The following TAMM41 variants were observed in gnomAD, a reference collection of about 807,000 sequenced individuals.
TAMM41 encodes TAM41 mitochondrial translocator assembly and maintenance homolog, also known as phosphatidate cytidylyltransferase, mitochondrial.
TAMM41 carries 36 observed loss-of-function variants against 44.1 expected under a neutral mutation model. That is an observed-to-expected ratio of 0.82 (90% CI 0.63 to 1.08). TAMM41 has a LOEUF of 1.08. Ranked by LOEUF, TAMM41 falls within the 50% of genes least tolerant of loss-of-function variation. The pLI is 0.00. For synonymous variants in TAMM41, 164 were observed against 153.1 expected (o/e 1.07, Z -0.53); for missense variants, 417 against 404.3 (o/e 1.03, Z -0.27).
the TAMM41 span, among the ~76,000 whole-genome samples, chr3:11,782,240 T>G: frequency 6.6e-6 from 1 of 152,170 alleles, no homozygotes; most frequent in African/African-American, 2.4e-5. Flanking sequence ...TTTTCTTGGT[T>G]GTAAAATTTT....
At chr3:11,754,363 T>C in the TAMM41 span, among the ~76,000 whole-genome samples, 2 of 152,120 alleles carry the variant, frequency 1.3e-5, no homozygotes, top group Admixed American at 6.6e-5. Context: ...CCAATTCTTT[T>C]TAAAAATTTT....
the TAMM41 span, among the ~76,000 whole-genome samples, chr3:11,760,416 T>C: frequency 0.31 from 47,505 of 152,146 alleles, 8,001 homozygotes; most frequent in South Asian, 0.43. Flanking sequence ...TTATTTTTCA[T>C]TTTTAGCATT....
chr3:11,810,210 T>G (rs2078045743), intron 5 of TAMM41, among the ~76,000 whole-genome samples: 1 of 152,174 alleles, frequency 6.6e-6, no homozygotes, highest in African/African-American at 2.4e-5. Context: ...GAAACTAATC[T>G]TACTTACTTT....
At chr3:11,745,507 G>A in the TAMM41 span, among the ~76,000 whole-genome samples, 10 of 152,216 alleles carry the variant, frequency 6.6e-5, no homozygotes, top group East Asian at 5.8e-4. Flanking sequence ...AAAAGGAAGC[G>A]AATTCTGACA....
At chr3:11,724,004 G>T in the TAMM41 span, among the ~76,000 whole-genome samples, 4 of 151,798 alleles carry the variant, frequency 2.6e-5, no homozygotes. Context: ...TGGGGGATGG[G>T]GGGGGGTGAC....
At position 11,839,276 on chromosome 3, in the gene TAMM41, A is replaced by C. The variant is rs1489488142; in HGVS notation, c.357T>G (p.Ile119Met). Residue 119 changes from isoleucine (I) to methionine (M), a missense_variant, in exon 3 of 8, where the codon ATT becomes ATG. Ile to Met is a conservative substitution (Grantham distance 10, BLOSUM62 1). Coordinates refer to ENST00000455809, the MANE Select transcript of TAMM41 (RefSeq NM_001284401.2). ...AGTTATTCCAGTTGAGGAGATCTTCAATCAGAACGTTAGTGCTAATAACTC... is the reference window on the plus strand; with the variant it reads ...AGTTATTCCAGTTGAGGAGATCTTCCATCAGAACGTTAGTGCTAATAACTC... ...KYGVISTNVL[I>M]EDLLNWNNLY... is the part of the protein sequence containing the mutation. 1.2e-6 allele frequency: 2 copies of C among 1,613,754 alleles called. No homozygotes were observed. Among genetic ancestry groups the C allele is most frequent in the Non-Finnish European group, 1.7e-6 (2 of 1,179,780 alleles).
the TAMM41 span, among the ~76,000 whole-genome samples, chr3:11,765,577 A>G: frequency 6.6e-6 from 1 of 152,238 alleles, no homozygotes; most frequent in African/African-American, 2.4e-5. Flanking sequence ...GTCTGTACAT[A>G]TAACACACAC....
intron 6 of TAMM41, 81 bp downstream of exon 6, chr3:11,809,436 G>T: frequency 3.3e-6 from 5 of 1,526,776 alleles, no homozygotes; most frequent in Non-Finnish European, 4.5e-6. Context: ...CAAAAAGGAA[G>T]AAATAATACA....
At chr3:11,845,243 T>A (rs2079630447) in intron 1 of TAMM41, 2 of 329,706 alleles carry the variant, frequency 6.1e-6, no homozygotes, top group Non-Finnish European at 1.2e-5. Context: ...ATGGCAAGAT[T>A]CCAGGGGAGA....
chr3:11,830,034 T>C, intron 3 of TAMM41, 170 bp from the exon 4 acceptor site: 2 of 580,312 alleles, frequency 3.4e-6, no homozygotes, highest in Non-Finnish European at 6.0e-6. Flanking sequence ...AGAATCTCCT[T>C]GTTTTATGCC....
At chr3:11,735,663 T>C in the TAMM41 span, among the ~76,000 whole-genome samples, 7 of 151,950 alleles carry the variant, frequency 4.6e-5, no homozygotes. Flanking sequence ...AAAGTAAATA[T>C]GTAGTGAATC....
chr3:11,771,378 A>G, the TAMM41 span: 1 of 152,274 alleles, frequency 6.6e-6, no homozygotes, highest in Non-Finnish European at 1.5e-5. Context: ...AACAGCACGC[A>G]TGGTGGGGAG....
At chr3:11,827,832 G>A (rs1001203251) in intron 4 of TAMM41, among the ~76,000 whole-genome samples, 2 of 152,124 alleles carry the variant, frequency 1.3e-5, no homozygotes, top group African/African-American at 2.4e-5. Flanking sequence ...GTAAAGGATT[G>A]TTATTGCTAC....
intron 3 of TAMM41, among the ~76,000 whole-genome samples, chr3:11,833,920 G>A (rs1408643214): frequency 6.6e-6 from 1 of 152,110 alleles, no homozygotes; most frequent in Non-Finnish European, 1.5e-5. Flanking sequence ...GAGCTGTGTG[G>A]TATGCGAATT....
chr3:11,739,608 G>A, the TAMM41 span, among the ~76,000 whole-genome samples: 1 of 144,368 alleles, frequency 6.9e-6, no homozygotes, highest in Non-Finnish European at 1.5e-5. Context: ...GGAGGTGGAG[G>A]TTGCAGTGAG....
intron 7 of TAMM41, among the ~76,000 whole-genome samples, chr3:11,793,083 A>AGAG (rs199971203): frequency 6.0e-5 from 8 of 132,662 alleles, no homozygotes; most frequent in African/African-American, 1.9e-4. Context: ...AAAAAAAAAA[A>AGAG]AGAGAGTGAA....
At chr3:11,833,762 C>A (rs898033488) in intron 3 of TAMM41, among the ~76,000 whole-genome samples, 3 of 152,154 alleles carry the variant, frequency 2.0e-5, no homozygotes, top group African/African-American at 7.2e-5. Flanking sequence ...AACTAGTAAG[C>A]CAGGTTTTCC....
downstream of TAMM41, among the ~76,000 whole-genome samples, chr3:11,788,301 G>A (rs555073849): frequency 2.0e-5 from 3 of 152,292 alleles, no homozygotes; most frequent in South Asian, 2.1e-4. Flanking sequence ...GGAAAAATTC[G>A]TATCGTATAA....
At chr3:11,808,518 C>A in intron 6 of TAMM41, 1 of 985,604 alleles carries the variant, frequency 1.0e-6, no homozygotes, top group South Asian at 4.7e-5. Context: ...CACTGCAGTG[C>A]GATGGTCTTT....
Sources: allele counts gnomAD v4.1 joint callset (sites outside exome capture counted in the v4.1 genomes callset), GRCh38; gene constraint gnomAD v4.1.1; transcripts MANE v1.5; gene names NCBI Gene and HGNC (gene_info 2026-07-23, HGNC 2026-07-21).